ITPR2: variants seen among roughly 807,000 people sequenced by gnomAD.
The protein encoded by ITPR2 is inositol 1,4,5-trisphosphate-gated calcium channel ITPR2.
ITPR2 carries 207 observed loss-of-function variants against 317.1 expected under a neutral mutation model. The ratio of observed to expected loss-of-function variants is 0.65; its 90% CI spans 0.58 to 0.73. The LOEUF (loss-of-function observed/expected upper bound fraction) is 0.73. Among genes scored for constraint, ITPR2 ranks in the 30% least tolerant of loss-of-function variants. ITPR2 has a pLI of 0.00. For missense variants in ITPR2, 2,613 were observed against 3,284.0 expected (o/e 0.80, Z 4.99); for synonymous variants, 1,156 against 1,149.1 (o/e 1.01, Z -0.12).
intron 5 of ITPR2, among the ~76,000 whole-genome samples, chr12:26,717,446 C>G (rs556641845): frequency 1.3e-5 from 2 of 152,168 alleles, no homozygotes; most frequent in Admixed American, 1.3e-4. Flanking sequence ...ACCAACCAAA[C>G]AAAGAAAGGT....
At chr12:26,758,140 A>G (rs1949561212) in intron 2 of ITPR2, among the ~76,000 whole-genome samples, 1 of 152,094 alleles carries the variant, frequency 6.6e-6, no homozygotes, top group Non-Finnish European at 1.5e-5. Flanking sequence ...AGTCAGTGTC[A>G]TCCCCATCCC....
chr12:26,605,126 A>AAAAAAAAAAT (rs1555165395), intron 26 of ITPR2, among the ~76,000 whole-genome samples: 1 of 136,306 alleles, frequency 7.3e-6, no homozygotes, highest in Admixed American at 7.3e-5. Context: ...AAAAAATAAA[A>AAAAAAAAAAT]ATATATATAT....
intron 37 of ITPR2, among the ~76,000 whole-genome samples, chr12:26,527,474 T>G (rs1943838364): frequency 6.6e-6 from 1 of 152,252 alleles, no homozygotes; most frequent in Non-Finnish European, 1.5e-5. Context: ...GGAATCCCTT[T>G]CAGTTCAGGT....
chr12:26,571,355 A>G (rs970575719), intron 34 of ITPR2, among the ~76,000 whole-genome samples: 5 of 152,226 alleles, frequency 3.3e-5, no homozygotes, highest in Non-Finnish European at 4.4e-5. Context: ...AAGTTACAGC[A>G]AACTTCTGGA....
At chr12:26,568,553 A>T (rs926041134) in intron 34 of ITPR2, among the ~76,000 whole-genome samples, 2 of 151,862 alleles carry the variant, frequency 1.3e-5, no homozygotes, top group East Asian at 3.8e-4. Context: ...CTTATTATAT[A>T]AAAAAATTTT....
intron 35 of ITPR2, among the ~76,000 whole-genome samples, chr12:26,558,773 G>A (rs895588293): frequency 1.3e-5 from 2 of 152,018 alleles, no homozygotes; most frequent in African/African-American, 4.8e-5. Context: ...TATATTTCCA[G>A]CATGGACATC....
chr12:26,642,935 C>T (rs866083657), intron 21 of ITPR2, among the ~76,000 whole-genome samples: 15 of 151,958 alleles, frequency 9.9e-5, no homozygotes, highest in Middle Eastern at 3.2e-3. Context: ...AACTGCCAGC[C>T]CCTGTGTTTG....
chr12:26,761,885 A>G (rs1461387039), intron 2 of ITPR2, among the ~76,000 whole-genome samples: 1 of 152,230 alleles, frequency 6.6e-6, no homozygotes, highest in African/African-American at 2.4e-5. Context: ...TAGAAGTTCA[A>G]CAAAGAGACA....
chr12:26,496,550 C>G (rs575640310), intron 37 of ITPR2, among the ~76,000 whole-genome samples: 9 of 152,288 alleles, frequency 5.9e-5, no homozygotes, highest in African/African-American at 1.9e-4. Flanking sequence ...TATTCTGTTT[C>G]CACTTAGATT....
intron 13 of ITPR2, among the ~76,000 whole-genome samples, chr12:26,678,412 C>CAGAG (rs34253560): frequency 0.028 from 4,201 of 149,498 alleles, 83 homozygotes; most frequent in South Asian, 0.072. Flanking sequence ...AAAGGGAAGA[C>CAGAG]AGAGAGAGAG....
rs189243267 is a variant in ITPR2, at chr12:26,360,087, G to A, written c.7858-19759C>T. Among the ~76,000 whole-genome samples the A allele has an allele frequency of 2.3e-3, 347 of 152,246 alleles. 2 individuals are homozygous for A. Among genetic ancestry groups the A allele is most frequent in the African/African-American group, 7.8e-3 (326 of 41,540 alleles). On this transcript the variant is annotated intron_variant, in intron 55 of 56. Transcript: ENST00000381340. The stretch of plus-strand genomic sequence containing the variant: ...ATGGAAGGACTCTATTTTTGTCTCC[G>A]TTTCTTTGCAAGGGCATTCTGTGGT...
At chr12:26,629,485 G>A (rs549970674) in intron 22 of ITPR2, among the ~76,000 whole-genome samples, 2 of 152,070 alleles carry the variant, frequency 1.3e-5, no homozygotes, top group East Asian at 3.9e-4. Context: ...TACCATGGAT[G>A]CTGAGGTGGG....
chr12:26,529,354 C>A (rs755086671), intron 37 of ITPR2, among the ~76,000 whole-genome samples: 1 of 152,198 alleles, frequency 6.6e-6, no homozygotes, highest in Admixed American at 6.5e-5. Flanking sequence ...TCTAGCCACA[C>A]TGGCTTCCTT....
intron 2 of ITPR2, among the ~76,000 whole-genome samples, chr12:26,757,009 A>G (rs1037273982): frequency 2.6e-5 from 4 of 152,222 alleles, no homozygotes; most frequent in South Asian, 2.1e-4. Flanking sequence ...AACTCTGGTC[A>G]TCCTCACTGC....
chr12:26,637,928 A>G (rs767918881), intron 21 of ITPR2, among the ~76,000 whole-genome samples: 28 of 152,240 alleles, frequency 1.8e-4, no homozygotes, highest in Non-Finnish European at 3.7e-4. Flanking sequence ...ACCACTGAAT[A>G]CAGTGTATTA....
intron 9 of ITPR2, among the ~76,000 whole-genome samples, chr12:26,706,922 T>C (rs1434874053): frequency 6.6e-6 from 1 of 152,228 alleles, no homozygotes; most frequent in African/African-American, 2.4e-5. Context: ...TCTGTATCTC[T>C]GATGCGCCTT....
intron 26 of ITPR2, among the ~76,000 whole-genome samples, chr12:26,620,519 A>AG (rs768338960): frequency 6.6e-5 from 10 of 152,358 alleles, no homozygotes; most frequent in Admixed American, 1.3e-4. Context: ...GCTTTATCTA[A>AG]GCATGACTAC....
At chr12:26,361,223 A>AG (rs1020341568) in intron 55 of ITPR2, among the ~76,000 whole-genome samples, 6 of 151,390 alleles carry the variant, frequency 4.0e-5, no homozygotes, top group African/African-American at 1.5e-4. Flanking sequence ...AAAAAAAAAA[A>AG]ATGTTACCAA....
At chr12:26,612,877 T>G (rs911409056) in intron 26 of ITPR2, among the ~76,000 whole-genome samples, 1 of 152,240 alleles carries the variant, frequency 6.6e-6, no homozygotes, top group African/African-American at 2.4e-5. Context: ...ACTTCTCTTA[T>G]TATTCTTGAA....
Sources: allele counts gnomAD v4.1 joint callset (sites outside exome capture counted in the v4.1 genomes callset), GRCh38; gene constraint gnomAD v4.1.1; transcripts MANE v1.5; gene names NCBI Gene and HGNC (gene_info 2026-07-23, HGNC 2026-07-21).